The following GRID2 variants were observed in gnomAD, a reference collection of about 807,000 sequenced individuals.
GRID2 encodes the protein glutamate receptor ionotropic, delta-2.
A neutral mutation model predicts 114.8 loss-of-function variants in GRID2; 33 were observed. The observed-to-expected ratio is 0.29, with a 90% CI of 0.22 to 0.38. The LOEUF (loss-of-function observed/expected upper bound fraction) is 0.38, where lower values mean the gene tolerates loss of function less well. GRID2 is among the 10% of genes least tolerant of loss of function. The pLI, the probability that GRID2 is intolerant of heterozygous loss-of-function variation, is 1.00. For synonymous variants in GRID2, 505 were observed against 449.9 expected, an observed-to-expected ratio of 1.12 and a Z score of -1.55; for missense variants, 1,184 against 1,257.7, an observed-to-expected ratio of 0.94 and a Z score of 0.89.
intron 8 of GRID2, among the ~76,000 whole-genome samples, chr4:93,353,577 C>T (rs1761016197): frequency 6.6e-6 from 1 of 151,572 alleles, no homozygotes; most frequent in Non-Finnish European, 1.5e-5. Flanking sequence ...AAGGAGCTAG[C>T]AATAAATGTG....
chr4:93,775,036 A>T (rs912914551), downstream of GRID2, among the ~76,000 whole-genome samples: 1 of 152,012 alleles, frequency 6.6e-6, no homozygotes, highest in Non-Finnish European at 1.5e-5. Flanking sequence ...AGGTTCTAAG[A>T]TTATTTCTAA....
chr4:92,384,697 G>C (rs1350152561), intron 1 of GRID2, among the ~76,000 whole-genome samples: 5 of 111,210 alleles, frequency 4.5e-5, no homozygotes, highest in Non-Finnish European at 7.2e-5. Context: ...ATATATATGA[G>C]ACATATGGAT....
intron 14 of GRID2, among the ~76,000 whole-genome samples, chr4:93,749,795 A>G (rs969106326): frequency 1.2e-4 from 18 of 152,338 alleles, no homozygotes; most frequent in Admixed American, 1.1e-3. Context: ...TCTCTTAGCC[A>G]AAAACAAAAC....
chr4:93,005,310 C>T lies in GRID2; in HGVS notation c.245-79685C>T, dbSNP rs567994551. ...ATAATTTATCATATATTCTCACTAA[C>T]TCACTCAATAAGTGCTGCTGGTGCT... On this transcript the variant is annotated intron_variant, in intron 2 of 15. Transcript: ENST00000282020. Among the ~76,000 whole-genome samples, 12 of 152,204 alleles carry T rather than the reference C, an allele frequency of 7.9e-5. No individual in the cohort carries two copies. In the South Asian group the frequency reaches 2.5e-3, roughly 32 times the overall value.
intron 13 of GRID2, among the ~76,000 whole-genome samples, chr4:93,606,541 A>G (rs899527500): frequency 1.3e-5 from 2 of 152,188 alleles, no homozygotes; most frequent in Non-Finnish European, 2.9e-5. Context: ...CTTTCTCCCT[A>G]GTATTTTTTC....
At chr4:93,737,477 C>G (rs1284471549) in intron 14 of GRID2, among the ~76,000 whole-genome samples, 4 of 151,986 alleles carry the variant, frequency 2.6e-5, no homozygotes, top group Non-Finnish European at 5.9e-5. Context: ...GTAGTTCCAG[C>G]ATTTGGGGAG....
At chr4:93,296,308 C>A (rs1266027889) in intron 8 of GRID2, among the ~76,000 whole-genome samples, 1 of 151,876 alleles carries the variant, frequency 6.6e-6, no homozygotes, top group Non-Finnish European at 1.5e-5. Context: ...CCCTCCCACC[C>A]CACAGATAAT....
chr4:93,584,574 CA>C (rs1333712158), intron 13 of GRID2, among the ~76,000 whole-genome samples: 1 of 151,812 alleles, frequency 6.6e-6, no homozygotes, highest in African/African-American at 2.4e-5. Flanking sequence ...TAAGAGGATA[CA>C]ATAAAAGTAT....
chr4:93,678,799 AT>A (rs1386064983), intron 14 of GRID2, among the ~76,000 whole-genome samples: 10 of 151,408 alleles, frequency 6.6e-5, no homozygotes, highest in African/African-American at 2.4e-4. Flanking sequence ...GAAAGGAACA[AT>A]CAGTACCAGC....
intron 1 of GRID2, among the ~76,000 whole-genome samples, chr4:92,369,989 T>TGTG (rs1729045602): frequency 6.6e-6 from 1 of 152,170 alleles, no homozygotes; most frequent in Non-Finnish European, 1.5e-5. Context: ...ACACTTCACT[T>TGTG]TATTGCACTT....
chr4:93,560,065 C>G (rs557129443), intron 13 of GRID2, among the ~76,000 whole-genome samples: 2 of 151,596 alleles, frequency 1.3e-5, no homozygotes, highest in South Asian at 4.2e-4. Flanking sequence ...ACATCACACA[C>G]TGGGGCCTGT....
In GRID2 at chr4:92,342,214, T is replaced by A. The variant is rs140558818; in HGVS notation, c.88+37470T>A. ...ACACCCATAAATATTTATACACATA[T>A]GTATGTATATGTCAATATCATCAGG... is the stretch of plus-strand genomic sequence containing the variant. On this transcript the variant is annotated intron_variant, in intron 1 of 15. Coordinates refer to ENST00000282020, the MANE Select transcript of GRID2 (RefSeq NM_001510.4). Among the ~76,000 whole-genome samples, 3 of 152,246 alleles carry A rather than the reference T, an allele frequency of 2.0e-5. No individual in the cohort carries two copies. In the East Asian group the frequency reaches 5.8e-4, roughly 29 times the overall value.
Position 93,336,617 on chromosome 4 carries a change from A to G in GRID2, c.1246-58990A>G, listed in dbSNP as rs182399448. Among the ~76,000 whole-genome samples the G allele has an allele frequency of 4.4e-4, 67 of 152,330 alleles. No individual in the cohort carries two copies. The East Asian group carries it at 0.012, about 27-fold the overall frequency. ...GCATCTGCAAATTCCCTAGGTGTTG[A>G]CAATTGCTCCCCAAGGTGATGTGCC... On this transcript the variant is annotated intron_variant, in intron 8 of 15. Coordinates refer to ENST00000282020, the MANE Select transcript of GRID2 (RefSeq NM_001510.4).
intron 8 of GRID2, among the ~76,000 whole-genome samples, chr4:93,318,186 A>AT (rs1179580248): frequency 6.6e-6 from 1 of 151,200 alleles, no homozygotes. Context: ...TGATGTGTGA[A>AT]TTTTTTTAGT....
At chr4:93,414,719 T>C (rs1485028) in intron 9 of GRID2, among the ~76,000 whole-genome samples, 1 of 133,038 alleles carries the variant, frequency 7.5e-6, no homozygotes, top group Non-Finnish European at 1.6e-5. Flanking sequence ...CCTTTTTTGT[T>C]TGTTGTCTGT....
chr4:93,437,143 T>C (rs1483669836), intron 10 of GRID2, among the ~76,000 whole-genome samples: 1 of 152,100 alleles, frequency 6.6e-6, no homozygotes, highest in Non-Finnish European at 1.5e-5. Flanking sequence ...AAATAACAAC[T>C]ATACTAGCAC....
At chr4:92,327,385 T>G (rs1482557112) in intron 1 of GRID2, among the ~76,000 whole-genome samples, 1 of 151,690 alleles carries the variant, frequency 6.6e-6, no homozygotes, top group South Asian at 2.1e-4. Context: ...TGTGTGTGTG[T>G]GCCTTCTCAA....
chr4:92,819,055 T>C (rs1741097303), intron 2 of GRID2, among the ~76,000 whole-genome samples: 1 of 152,136 alleles, frequency 6.6e-6, no homozygotes, highest in Admixed American at 6.6e-5. Flanking sequence ...GAACTATTTA[T>C]TTCTGTCCTA....
chr4:92,922,493 C>T (rs1431370561), intron 2 of GRID2, among the ~76,000 whole-genome samples: 1 of 152,204 alleles, frequency 6.6e-6, no homozygotes, highest in African/African-American at 2.4e-5. Context: ...TCCACCCCCC[C>T]AGAAACTGAC....
Sources: allele counts gnomAD v4.1 joint callset (sites outside exome capture counted in the v4.1 genomes callset), GRCh38; gene constraint gnomAD v4.1.1; transcripts MANE v1.5; gene names NCBI Gene and HGNC (gene_info 2026-07-23, HGNC 2026-07-21).